CCDC91: variants seen among roughly 807,000 people sequenced by gnomAD.
The protein encoded by CCDC91 is coiled-coil domain containing 91.
Under a neutral mutation model 63.2 loss-of-function variants are expected in CCDC91, and 48 were observed. The ratio of observed to expected loss-of-function variants is 0.76; its 90% CI spans 0.60 to 0.97. The LOEUF is 0.97. Among genes scored for constraint, CCDC91 ranks in the 50% least tolerant of loss-of-function variants. The pLI is 0.00. For synonymous variants in CCDC91, 167 were observed against 165.8 expected, an observed-to-expected ratio of 1.01 and a Z score of -0.06; for missense variants, 500 against 494.6, an observed-to-expected ratio of 1.01 and a Z score of -0.10.
intron 11 of CCDC91, among the ~76,000 whole-genome samples, chr12:28,461,600 C>G (rs1419408255): frequency 1.3e-5 from 2 of 151,892 alleles, no homozygotes; most frequent in Admixed American, 1.3e-4. Flanking sequence ...GTATACATGC[C>G]TCTCAAAATC....
intron 1 of CCDC91, among the ~76,000 whole-genome samples, chr12:28,242,357 C>G (rs1232756092): frequency 1.3e-5 from 2 of 152,166 alleles, no homozygotes; most frequent in Non-Finnish European, 2.9e-5. Context: ...TTATTCTTAA[C>G]AAGTTAGCTA....
chr12:28,249,449 G>T (rs1945976670), intron 1 of CCDC91, among the ~76,000 whole-genome samples: 1 of 152,146 alleles, frequency 6.6e-6, no homozygotes, highest in African/African-American at 2.4e-5. Flanking sequence ...AATCTGAAAT[G>T]AGGTCTCCCA....
At chr12:28,297,933 C>A (rs989108727) in intron 3 of CCDC91, among the ~76,000 whole-genome samples, 8 of 151,642 alleles carry the variant, frequency 5.3e-5, no homozygotes, top group African/African-American at 1.9e-4. Context: ...CATTTTGTGT[C>A]TATATACGTG....
chr12:28,264,057 C>T (rs571814797), intron 3 of CCDC91, among the ~76,000 whole-genome samples: 2 of 151,328 alleles, frequency 1.3e-5, no homozygotes, highest in African/African-American at 2.4e-5. Flanking sequence ...ACCTGGAAAT[C>T]ATGATTAACA....
chr12:28,489,660 C>T (rs1443037607), intron 12 of CCDC91, among the ~76,000 whole-genome samples: 2 of 151,792 alleles, frequency 1.3e-5, no homozygotes, highest in Admixed American at 6.6e-5. Flanking sequence ...TTTAGAGTAT[C>T]CTTTTAATTT....
At chr12:28,254,745 T>C (rs973873332) in intron 1 of CCDC91, among the ~76,000 whole-genome samples, 2 of 151,606 alleles carry the variant, frequency 1.3e-5, no homozygotes, top group Admixed American at 6.6e-5. Flanking sequence ...AATATTTCTT[T>C]GAAAATAAAA....
intron 1 of CCDC91, among the ~76,000 whole-genome samples, chr12:28,246,142 A>G (rs987046872): frequency 6.6e-6 from 1 of 152,184 alleles, no homozygotes; most frequent in Admixed American, 6.5e-5. Flanking sequence ...CCCCAAATTG[A>G]CATACTGCAG....
intron 1 of CCDC91, among the ~76,000 whole-genome samples, chr12:28,220,921 T>A (rs1275273412): frequency 1.3e-5 from 2 of 152,124 alleles, no homozygotes; most frequent in Non-Finnish European, 2.9e-5. Flanking sequence ...TATGATTTCT[T>A]TATGTTTGTT....
At chr12:28,387,875 T>G (rs1381619434) in intron 7 of CCDC91, among the ~76,000 whole-genome samples, 2 of 152,204 alleles carry the variant, frequency 1.3e-5, no homozygotes, top group African/African-American at 4.8e-5. Flanking sequence ...TTTCGTATAA[T>G]GACTTCTTTT....
At chr12:28,412,716 T>G (rs774601502) in intron 8 of CCDC91, 2 of 453,260 alleles carry the variant, frequency 4.4e-6, no homozygotes, top group South Asian at 3.1e-5. Flanking sequence ...TTTTATCCCC[T>G]TATTGTCCCC....
chr12:28,215,374 C>T (rs1411724182), intron 1 of CCDC91, among the ~76,000 whole-genome samples: 2 of 152,122 alleles, frequency 1.3e-5, no homozygotes, highest in Admixed American at 1.3e-4. Flanking sequence ...ACATATACCT[C>T]CTCTTAGTTC....
At chr12:28,546,052 C>T (rs921222945) in intron 12 of CCDC91, among the ~76,000 whole-genome samples, 1 of 152,078 alleles carries the variant, frequency 6.6e-6, no homozygotes, top group Non-Finnish European at 1.5e-5. Context: ...TATATGTACA[C>T]AAGTTATGAA....
At chr12:28,525,160 T>C (rs1941148946) in intron 12 of CCDC91, among the ~76,000 whole-genome samples, 1 of 152,138 alleles carries the variant, frequency 6.6e-6, no homozygotes, top group Non-Finnish European at 1.5e-5. Flanking sequence ...TGGTTTGTTC[T>C]TACTTCTCTA....
chr12:28,347,748 A>G (rs1235734954), intron 6 of CCDC91, among the ~76,000 whole-genome samples: 2 of 152,190 alleles, frequency 1.3e-5, no homozygotes, highest in East Asian at 1.9e-4. Flanking sequence ...TAGGACCACT[A>G]TATCAGGTAG....
At chr12:28,327,217 A>G (rs1941095382) in intron 6 of CCDC91, among the ~76,000 whole-genome samples, 1 of 151,996 alleles carries the variant, frequency 6.6e-6, no homozygotes. Flanking sequence ...CAGCCCCCAA[A>G]TCATTTTCTT....
chr12:28,230,798 A>AT (rs574807369), intron 1 of CCDC91, among the ~76,000 whole-genome samples: 9 of 151,664 alleles, frequency 5.9e-5, no homozygotes, highest in Non-Finnish European at 1.2e-4. Context: ...TACATTTTGT[A>AT]TTTTTTTGTA....
intron 6 of CCDC91, among the ~76,000 whole-genome samples, chr12:28,330,283 T>G (rs1941390638): frequency 6.6e-6 from 1 of 152,098 alleles, no homozygotes; most frequent in Non-Finnish European, 1.5e-5. Context: ...ACCTGTTGTT[T>G]CCTGACTTTT....
chr12:28,404,291 G>A (rs781293391), intron 8 of CCDC91, among the ~76,000 whole-genome samples: 5 of 151,852 alleles, frequency 3.3e-5, no homozygotes, highest in Non-Finnish European at 5.9e-5. Flanking sequence ...TGTAAATATT[G>A]TTGGATTTTC....
intron 1 of CCDC91, among the ~76,000 whole-genome samples, chr12:28,255,221 T>G (rs1946368030): frequency 6.6e-6 from 1 of 152,220 alleles, no homozygotes; most frequent in Non-Finnish European, 1.5e-5. Flanking sequence ...TTTGTTTTTA[T>G]TTTCAAATTT....
Sources: gnomAD v4.1 joint callset for allele counts (sites outside exome capture counted in the v4.1 genomes callset) on GRCh38, gnomAD v4.1.1 for gene constraint, MANE v1.5 for transcripts, NCBI Gene and HGNC (gene_info 2026-07-23, HGNC 2026-07-21) for gene names.